The following SPAG6 variants were observed in gnomAD, a reference collection of about 807,000 sequenced individuals.
SPAG6 encodes sperm-associated antigen 6.
In SPAG6, 49 loss-of-function variants were observed where a neutral mutation model predicts 58.5. The ratio of observed to expected loss-of-function variants is 0.84; its 90% CI spans 0.67 to 1.06. The LOEUF (loss-of-function observed/expected upper bound fraction) is 1.06. SPAG6 is among the 50% of genes least tolerant of loss of function. The probability of loss-of-function intolerance (pLI) is 0.00; values close to 1 mark genes in which losing one functional copy is unlikely to be tolerated. For synonymous variants in SPAG6, 233 were observed against 225.6 expected, an observed-to-expected ratio of 1.03 and a Z score of -0.29; for missense variants, 560 against 611.3, an observed-to-expected ratio of 0.92 and a Z score of 0.89.
chr10:22,406,978 T>C (rs1834574238), intron 9 of SPAG6, among the ~76,000 whole-genome samples: 1 of 152,104 alleles, frequency 6.6e-6, no homozygotes, highest in South Asian at 2.1e-4. Context: ...TTTTTTGTTT[T>C]CCATTTGCTT....
At chr10:22,396,277 G>T (rs1834290347) in intron 8 of SPAG6, among the ~76,000 whole-genome samples, 2 of 152,138 alleles carry the variant, frequency 1.3e-5, no homozygotes, top group African/African-American at 2.4e-5. Flanking sequence ...CATGGGTGTG[G>T]TTTCCCCCAT....
chr10:22,346,513 C>CTCT (rs1353996396), intron 2 of SPAG6, among the ~76,000 whole-genome samples: 8 of 71,324 alleles, frequency 1.1e-4, no homozygotes, highest in South Asian at 9.5e-4. Context: ...CTTCTTCTTC[C>CTCT]TCTTCTTCTT....
At chr10:22,366,104 GC>G (rs1378652305) in intron 3 of SPAG6, among the ~76,000 whole-genome samples, 2 of 152,188 alleles carry the variant, frequency 1.3e-5, no homozygotes, top group African/African-American at 4.8e-5. Flanking sequence ...CTCCAGCAAA[GC>G]CTGCACAGAA....
chr10:22,382,321 C>T (rs1032541272), intron 4 of SPAG6, among the ~76,000 whole-genome samples: 1 of 152,108 alleles, frequency 6.6e-6, no homozygotes, highest in Non-Finnish European at 1.5e-5. Flanking sequence ...GATTTGGCGA[C>T]TGTACATTTT....
rs1834881038 is a variant in SPAG6, at chr10:22,416,969, C to T, written c.*281C>T. 1 of 267,432 alleles carries T rather than the reference C, an allele frequency of 3.7e-6. No individual in the cohort carries two copies. Among genetic ancestry groups the T allele is most frequent in the Admixed American group, 4.7e-5 (1 of 21,340 alleles). 16.6% of individuals were successfully genotyped at this position (267,432 alleles called of 1,614,324 possible). Reference sequence around the variant, plus strand: ...TTTTGTTATTCTGTTAAAAACCACACACACTCGTACATGCAGACACCTCCA... The same window carrying T: ...TTTTGTTATTCTGTTAAAAACCACATACACTCGTACATGCAGACACCTCCA... On this transcript the variant is annotated 3_prime_UTR_variant, in exon 11 of 11. Coordinates refer to ENST00000376624, the MANE Select transcript of SPAG6 (RefSeq NM_012443.4).
chr10:22,345,632 G>A lies in SPAG6; in HGVS notation c.21G>A (p.Leu7=). The A allele has an allele frequency of 6.5e-7, 1 of 1,541,462 alleles. No individual in the cohort carries two copies. The highest frequency in any genetic ancestry group is 8.7e-7 in the Non-Finnish European group (1 of 1,144,820). Reference sequence around the variant, plus strand: ...GCGCCATGAGTCAGAGGCAGGTGCTGCAAGGTAGGGCCGAGGCGGGCAGGT... The same window carrying A: ...GCGCCATGAGTCAGAGGCAGGTGCTACAAGGTAGGGCCGAGGCGGGCAGGT... MSQRQV[L]QVFEQYQKAR... Residue 7 remains leucine, a synonymous_variant, in exon 1 of 11, where the codon CTG becomes CTA. Coordinates refer to ENST00000376624, the MANE Select transcript of SPAG6 (RefSeq NM_012443.4). This position sits in a 1 kb window ranked among gnomAD's most constrained non-coding sequence, Gnocchi z 6.3.
intron 9 of SPAG6, 107 bp from the exon 10 acceptor site, chr10:22,410,924 G>A (rs1160574065): frequency 9.0e-7 from 1 of 1,115,878 alleles, no homozygotes; most frequent in Non-Finnish European, 1.3e-6. Context: ...TAGGTATATT[G>A]GGTATAAATT....
chr10:22,366,017 G>A (rs1021430209), intron 3 of SPAG6, among the ~76,000 whole-genome samples: 1 of 152,182 alleles, frequency 6.6e-6, no homozygotes, highest in Non-Finnish European at 1.5e-5. Context: ...CAGGTCCGCA[G>A]TCAGTGAAAC....
Position 22,407,752 on chromosome 10 carries a change from C to G in SPAG6, c.1315-3279C>G, listed in dbSNP as rs1020960633. On this transcript the variant is annotated intron_variant, in intron 9 of 10. Transcript: ENST00000376624. Reference sequence around the variant, plus strand: ...GAATGTTTTCCAACTTGGTTCCATTCTCCCCGTCACTTTCAGGTACACCAA... The same window carrying G: ...GAATGTTTTCCAACTTGGTTCCATTGTCCCCGTCACTTTCAGGTACACCAA... Among the ~76,000 whole-genome samples the G allele has an allele frequency of 5.4e-4, 82 of 152,258 alleles. 1 individual carries two copies. The Middle Eastern group carries it at 0.014, about 25-fold the overall frequency.
At chr10:22,400,556 T>G (rs1376790899) in intron 8 of SPAG6, among the ~76,000 whole-genome samples, 1 of 151,480 alleles carries the variant, frequency 6.6e-6, no homozygotes, top group Non-Finnish European at 1.5e-5. Context: ...TGCTTGTGGG[T>G]GATACACTCC....
At chr10:22,411,838 A>ATTT (rs1283503992) in intron 10 of SPAG6, among the ~76,000 whole-genome samples, 1 of 132,714 alleles carries the variant, frequency 7.5e-6, no homozygotes, top group Non-Finnish European at 1.5e-5. Flanking sequence ...AAACAACTGA[A>ATTT]TCTTTTTTTT....
At chr10:22,368,766 A>C in intron 4 of SPAG6, 88 bp downstream of exon 4, 1 of 999,264 alleles carries the variant, frequency 1.0e-6, no homozygotes, top group African/African-American at 1.6e-5. Context: ...TTAGTAAAAC[A>C]TAGGTGGGGT....
chr10:22,397,253 A>G (rs1263374793), intron 8 of SPAG6, among the ~76,000 whole-genome samples: 1 of 152,124 alleles, frequency 6.6e-6, no homozygotes, highest in Non-Finnish European at 1.5e-5. Context: ...AACTAATAAG[A>G]GTTCAACAAA....
chr10:22,346,472 CTTCTTCTTCTTCTTCTTCTTCTTCT>C (rs1228373666), intron 2 of SPAG6, among the ~76,000 whole-genome samples: 104 of 140,570 alleles, frequency 7.4e-4, no homozygotes, highest in African/African-American at 3.0e-3. Flanking sequence ...TCTTCTTCTT[CTTCTTCTTCTTCTTCTTCTTCTTCT>C]TTCTTCTTCT....
In SPAG6 at chr10:22,405,922, C is replaced by G. The variant is rs573589123; in HGVS notation, c.1314+4645C>G. ...TCTTCTAGATTTTCTAGTTTATTTG[C>G]GTAGAGGTGTTTATAGTATTCTCTG... On this transcript the variant is annotated intron_variant, in intron 9 of 10. Coordinates refer to ENST00000376624, the MANE Select transcript of SPAG6 (RefSeq NM_012443.4). 3.5e-4 allele frequency among the ~76,000 whole-genome samples: 53 copies of G among 152,234 alleles called. No homozygotes were observed. In the South Asian group the frequency reaches 5.4e-3, roughly 16 times the overall value.
At chr10:22,362,669 G>A (rs1221170653) in intron 2 of SPAG6, among the ~76,000 whole-genome samples, 1 of 152,004 alleles carries the variant, frequency 6.6e-6, no homozygotes, top group Non-Finnish European at 1.5e-5. Context: ...GGTTGAGGCT[G>A]CAGTGAGCCA....
chr10:22,406,912 G>C (rs1307721777), intron 9 of SPAG6, among the ~76,000 whole-genome samples: 4 of 151,570 alleles, frequency 2.6e-5, no homozygotes, highest in South Asian at 2.1e-4. Flanking sequence ...TGTCTCTTTT[G>C]ATCTTTGTTG....
intron 4 of SPAG6, among the ~76,000 whole-genome samples, chr10:22,372,680 T>C (rs1379252559): frequency 6.6e-6 from 1 of 151,946 alleles, no homozygotes; most frequent in Non-Finnish European, 1.5e-5. Flanking sequence ...TGGCTGCAAG[T>C]GTGCGGAAGT....
intron 2 of SPAG6, among the ~76,000 whole-genome samples, chr10:22,352,936 G>T (rs551795435): frequency 1.4e-4 from 21 of 152,192 alleles, no homozygotes; most frequent in Middle Eastern, 3.4e-3. Flanking sequence ...TACTTTTGCT[G>T]CCAGGAAACT....
Sources: allele counts gnomAD v4.1 joint callset (sites outside exome capture counted in the v4.1 genomes callset), GRCh38; gene constraint gnomAD v4.1.1; non-coding constraint Gnocchi (gnomAD v3.1); transcripts MANE v1.5; gene names NCBI Gene and HGNC (gene_info 2026-07-23, HGNC 2026-07-21).